Variants in STARD13 observed in about 807,000 individuals in gnomAD.
The protein encoded by STARD13 is stAR-related lipid transfer protein 13.
STARD13 carries 62 observed loss-of-function variants against 106.4 expected under a neutral mutation model. That is an observed-to-expected ratio of 0.58 (90% confidence interval 0.48 to 0.72). The LOEUF is 0.72. Ranked by LOEUF, STARD13 falls within the 30% of genes least tolerant of loss-of-function variation. The probability of loss-of-function intolerance (pLI) is 0.00; values close to 1 mark genes in which losing one functional copy is unlikely to be tolerated. For synonymous variants in STARD13, 565 were observed against 553.0 expected, an observed-to-expected ratio of 1.02 and a Z score of -0.31; for missense variants, 1,387 against 1,424.0, an observed-to-expected ratio of 0.97 and a Z score of 0.42.
chr13:33,237,684 C>T (rs971468899), intron 1 of STARD13, among the ~76,000 whole-genome samples: 4 of 152,206 alleles, frequency 2.6e-5, no homozygotes, highest in Non-Finnish European at 4.4e-5. Flanking sequence ...ATCCCCTACA[C>T]CCATTTGACT....
At chr13:33,225,866 C>G (rs747099659) in intron 1 of STARD13, among the ~76,000 whole-genome samples, 4 of 152,128 alleles carry the variant, frequency 2.6e-5, no homozygotes, top group Non-Finnish European at 4.4e-5. Flanking sequence ...ATGGATTAAG[C>G]TCTGATATGG....
At chr13:33,472,979 A>C in the STARD13 span, among the ~76,000 whole-genome samples, 1 of 152,194 alleles carries the variant, frequency 6.6e-6, no homozygotes, top group Non-Finnish European at 1.5e-5. Context: ...TGGCCTCAGG[A>C]ACTCTATCAG....
At chr13:33,301,563 T>G (rs1008294375) in intron 1 of STARD13, among the ~76,000 whole-genome samples, 1 of 15,500 alleles carries the variant, frequency 6.5e-5, no homozygotes, top group Admixed American at 1.2e-3. Context: ...TTTTTCTTTT[T>G]TTTTCTTTTT....
the STARD13 span, among the ~76,000 whole-genome samples, chr13:33,588,176 C>T: frequency 6.6e-6 from 1 of 152,158 alleles, no homozygotes; most frequent in Admixed American, 6.6e-5. Flanking sequence ...TATCTCATTC[C>T]TCATTGTGTA....
chr13:33,543,423 CAG>C, the STARD13 span, among the ~76,000 whole-genome samples: 2 of 152,130 alleles, frequency 1.3e-5, no homozygotes, highest in East Asian at 3.8e-4. Flanking sequence ...TTTAGATAAT[CAG>C]AGAAAGGAAA....
At chr13:33,229,659 G>A (rs578084295) in intron 1 of STARD13, among the ~76,000 whole-genome samples, 72 of 152,314 alleles carry the variant, frequency 4.7e-4, no homozygotes, top group Non-Finnish European at 7.4e-4. Flanking sequence ...GAAATGGCCT[G>A]TTTTTCACTA....
chr13:33,466,822 T>C, the STARD13 span, among the ~76,000 whole-genome samples: 1 of 152,194 alleles, frequency 6.6e-6, no homozygotes, highest in Non-Finnish European at 1.5e-5. Flanking sequence ...GCAACATGAA[T>C]ACAAAGTACT....
Position 33,112,863 on chromosome 13 carries a change from C to T in STARD13, c.2350G>A (p.Glu784Lys), listed in dbSNP as rs373403416. 1 of 1,613,914 alleles carries T rather than the reference C, an allele frequency of 6.2e-7. No homozygotes were observed. The highest frequency in any genetic ancestry group is 1.3e-5 in the African/African-American group (1 of 74,960). ...AILLLADENREVLQTLLCFLN... is the reference protein window; with the variant it reads ...AILLLADENRKVLQTLLCFLN... ...AAACACAAGAGCGTCTGCAGGACCTCCCTGTTCTCATCGGCCAGTAGCAGG... is the reference window on the plus strand; with the variant it reads ...AAACACAAGAGCGTCTGCAGGACCTTCCTGTTCTCATCGGCCAGTAGCAGG... Residue 784 changes from glutamate (E) to lysine (K), a missense_variant, in exon 9 of 14, where the codon GAG (glutamate) becomes AAG (lysine). Physicochemically the swap from Glu to Lys is moderately conservative, Grantham distance 56. Transcript: ENST00000336934.
the STARD13 span, among the ~76,000 whole-genome samples, chr13:33,603,253 G>A: frequency 1.3e-5 from 2 of 152,166 alleles, no homozygotes; most frequent in Non-Finnish European, 2.9e-5. Context: ...AGCCGTCAGG[G>A]AGATGGATTT....
chr13:33,588,582 A>G, the STARD13 span, among the ~76,000 whole-genome samples: 1 of 152,180 alleles, frequency 6.6e-6, no homozygotes, highest in African/African-American at 2.4e-5. Flanking sequence ...ATTGAAAGAG[A>G]ATTGCTTAAA....
the STARD13 span, among the ~76,000 whole-genome samples, chr13:33,502,596 G>C: frequency 1.3e-5 from 2 of 152,144 alleles, no homozygotes; most frequent in Non-Finnish European, 2.9e-5. Flanking sequence ...TAGCATGAAG[G>C]GCTGTTGAAT....
the STARD13 span, among the ~76,000 whole-genome samples, chr13:33,530,076 A>G: frequency 6.6e-6 from 1 of 152,104 alleles, no homozygotes; most frequent in African/African-American, 2.4e-5. Context: ...CTGGTATCCC[A>G]ACATTTTAAA....
the STARD13 span, among the ~76,000 whole-genome samples, chr13:33,641,255 T>C: frequency 1.3e-5 from 2 of 152,188 alleles, no homozygotes; most frequent in Non-Finnish European, 2.9e-5. Context: ...TTTTTTCTTT[T>C]TCTTAAACAG....
chr13:33,542,673 C>G, the STARD13 span, among the ~76,000 whole-genome samples: 1 of 152,254 alleles, frequency 6.6e-6, no homozygotes, highest in African/African-American at 2.4e-5. Context: ...CGGTTCTGGC[C>G]CCGCCCTCAC....
the STARD13 span, among the ~76,000 whole-genome samples, chr13:33,641,517 A>C: frequency 6.6e-6 from 1 of 152,164 alleles, no homozygotes; most frequent in Non-Finnish European, 1.5e-5. Context: ...GAGTGATTCT[A>C]GTTTCTATGG....
At chr13:33,606,497 C>G in the STARD13 span, among the ~76,000 whole-genome samples, 3 of 152,194 alleles carry the variant, frequency 2.0e-5, no homozygotes, top group East Asian at 5.8e-4. Flanking sequence ...TTTGCATTTA[C>G]TCTGCTATTA....
the STARD13 span, among the ~76,000 whole-genome samples, chr13:33,449,992 C>T: frequency 1.3e-5 from 2 of 151,950 alleles, no homozygotes; most frequent in South Asian, 2.1e-4. Flanking sequence ...GTGTGAAGTA[C>T]GGGGTTTTCT....
intron 1 of STARD13, among the ~76,000 whole-genome samples, chr13:33,349,780 C>A (rs921205524): frequency 3.9e-5 from 6 of 152,352 alleles, no homozygotes; most frequent in Admixed American, 1.3e-4. Flanking sequence ...CCGTCACATC[C>A]CCCCCTCTAC....
intron 2 of STARD13, among the ~76,000 whole-genome samples, chr13:33,167,008 A>G (rs1883394096): frequency 6.6e-6 from 1 of 151,672 alleles, no homozygotes; most frequent in Admixed American, 6.6e-5. Flanking sequence ...AAAAACAAAA[A>G]AAAAACCAAA....
Sources: gnomAD v4.1 joint callset for allele counts (sites outside exome capture counted in the v4.1 genomes callset) on GRCh38, gnomAD v4.1.1 for gene constraint, MANE v1.5 for transcripts, NCBI Gene and HGNC (gene_info 2026-07-23, HGNC 2026-07-21) for gene names.